Variants in SPTBN5 observed in about 807,000 individuals in gnomAD.
SPTBN5 encodes spectrin beta, non-erythrocytic 5, also known as spectrin beta chain, non-erythrocytic 5.
SPTBN5 carries 513 observed loss-of-function variants against 477.6 expected under a neutral mutation model. That is an observed-to-expected ratio of 1.07 (90% confidence interval 1.00 to 1.16). The LOEUF (loss-of-function observed/expected upper bound fraction) is 1.16, where lower values mean the gene tolerates loss of function less well. SPTBN5 is among the 50% of genes most tolerant of loss of function. The pLI is 0.00. For synonymous variants in SPTBN5, 2,169 were observed against 2,011.7 expected (o/e 1.08, Z -2.09); for missense variants, 5,062 against 4,731.8 (o/e 1.07, Z -2.05).
intron 37 of SPTBN5, 39 bp from the exon 38 acceptor site, chr15:41,866,268 G>C: frequency 6.3e-7 from 1 of 1,576,860 alleles, no homozygotes; most frequent in South Asian, 1.2e-5. Flanking sequence ...CTTGCCTGCT[G>C]CACTTCCTCC....
chr15:41,881,969 C>G lies in SPTBN5; in HGVS notation c.2424G>C (p.Gly808=). The change falls in exon 12 of 68, where the codon GGG becomes GGC. Residue 808 remains glycine, a synonymous_variant. Coordinates refer to ENST00000320955, the MANE Select transcript of SPTBN5 (RefSeq NM_016642.4). ...AAELRRLEEQ[G]RAASARASLF... is the part of the protein sequence containing the mutation. The stretch of plus-strand genomic sequence containing the variant: ...ACGACGCCCGGGCCGAGGCCGCCCG[C>G]CCCTGCTCCTCCAGCCGCCGCAGCT... 6.5e-7 allele frequency: 1 copy of G among 1,540,506 alleles called. No homozygotes were observed. Among genetic ancestry groups the G allele is most frequent in the African/African-American group, 1.4e-5 (1 of 71,252 alleles).
rs1595466640 is a variant in SPTBN5, at chr15:41,865,797, G to A, written c.6918+11C>T. 1.3e-6 allele frequency: 2 copies of A among 1,553,124 alleles called. No homozygotes were observed. Among genetic ancestry groups the A allele is most frequent in the East Asian group, 2.4e-5 (1 of 41,212 alleles). Reference sequence around the variant, plus strand: ...TGCATGGCCAACCTCTACCCAGCAAGGCCCTCTTACCCCGGCCGAGTTTCC... The same window carrying A: ...TGCATGGCCAACCTCTACCCAGCAAAGCCCTCTTACCCCGGCCGAGTTTCC... On this transcript the variant is annotated intron_variant, in intron 39 of 67. Transcript: ENST00000320955.
rs1485808942 is a variant in SPTBN5 at position 41,866,013 on chromosome 15, A to G, written c.6822+25T>C. 6 of 1,548,920 alleles carry G rather than the reference A, an allele frequency of 3.9e-6. No homozygotes were observed. The Admixed American group carries it at 1.2e-4, about 31-fold the overall frequency. On this transcript the variant is annotated intron_variant, in intron 38 of 67. Transcript: ENST00000320955. ...GGGAGGGCTCCTCCCCCCATCTCTC[A>G]GCCCCCACCCAGCTGGGGCTACACC...
In SPTBN5 at chr15:41,877,108, C is replaced by G; in HGVS notation, c.3711+8G>C. Reference sequence around the variant, plus strand: ...GTGACAGCCTAGCTCCACATTCCTGCTCCATACCCCAAGGTTGTCCAGGTG... The same window carrying G: ...GTGACAGCCTAGCTCCACATTCCTGGTCCATACCCCAAGGTTGTCCAGGTG... On this transcript the variant is annotated splice_region_variant and intron_variant, in intron 18 of 67. Coordinates refer to ENST00000320955, the MANE Select transcript of SPTBN5 (RefSeq NM_016642.4). 1 of 1,613,692 alleles carries G rather than the reference C, an allele frequency of 6.2e-7. No homozygotes were observed. Among genetic ancestry groups the G allele is most frequent in the Non-Finnish European group, 8.5e-7 (1 of 1,179,782 alleles).
intron 3 of SPTBN5, among the ~76,000 whole-genome samples, chr15:41,892,055 T>C (rs2140973358): frequency 6.6e-6 from 1 of 152,312 alleles, no homozygotes; most frequent in Middle Eastern, 3.4e-3. Context: ...CGTTCTGCTC[T>C]TGCACCTGCT....
At position 41,857,167 on chromosome 15, in the gene SPTBN5, G is replaced by C. The variant is rs968529012; in HGVS notation, c.8621+71C>G. On this transcript the variant is annotated intron_variant, in intron 51 of 67. Coordinates refer to ENST00000320955, the MANE Select transcript of SPTBN5 (RefSeq NM_016642.4). Reference sequence around the variant, plus strand: ...AAGGGGAGAAAGTGAGAAGACATCAGTTAAGAGGGCAGGGGTGGGGGTCCC... The same window carrying C: ...AAGGGGAGAAAGTGAGAAGACATCACTTAAGAGGGCAGGGGTGGGGGTCCC... The C allele has an allele frequency of 1.4e-5, 21 of 1,526,574 alleles. No individual in the cohort carries two copies. In the African/African-American group the frequency reaches 2.6e-4, roughly 19 times the overall value. 94.6% of individuals were successfully genotyped at this position (1,526,574 alleles called of 1,614,324 possible). A position where few individuals can be genotyped will look rare whatever the true frequency, so the allele number is the denominator to read the frequency against.
Position 41,876,139 on chromosome 15 carries a change from C to T in SPTBN5, c.4097G>A (p.Arg1366His), listed in dbSNP as rs747726960. The T allele has an allele frequency of 4.4e-6, 7 of 1,602,878 alleles. No homozygotes were observed. Among genetic ancestry groups the T allele is most frequent in the East Asian group, 2.2e-5 (1 of 44,834 alleles). The change falls in exon 21 of 68, where the codon CGC becomes CAC. Residue 1366 changes from arginine to histidine, a missense_variant. Physicochemically the swap from Arg to His is conservative, Grantham distance 29. Coordinates refer to ENST00000320955, the MANE Select transcript of SPTBN5 (RefSeq NM_016642.4). ...CTGCTGCAGGGCCTCCACGTGTCTG[C>T]GGGTGGCGAGTAGCTCGCTCTCAGC... ...EAAESELLAT[R>H]RHVEALQQVG...
intron 63 of SPTBN5, 46 bp downstream of exon 63, chr15:41,851,733 G>A: frequency 6.8e-7 from 1 of 1,464,272 alleles, no homozygotes; most frequent in East Asian, 2.3e-5. Flanking sequence ...CTCAAGTGCT[G>A]CTGCAAGTGG....
intron 54 of SPTBN5, 44 bp downstream of exon 54, chr15:41,855,505 G>A: frequency 6.2e-7 from 1 of 1,600,268 alleles, no homozygotes; most frequent in Non-Finnish European, 8.5e-7. Flanking sequence ...TCTCTGTAGG[G>A]GGCTTCTCTC....
Position 41,887,295 on chromosome 15 carries a change from G to C in SPTBN5, c.806C>G (p.Ser269Cys), listed in dbSNP as rs148765238. ...DVAAAQPDER[S>C]IMTYVSLYYH... Reference sequence around the variant, plus strand: ...GTAGAGGGAGACGTAGGTCATGATAGAGCGCTCATCTGGCTGTGCGGCTGC... The same window carrying C: ...GTAGAGGGAGACGTAGGTCATGATACAGCGCTCATCTGGCTGTGCGGCTGC... The change falls in exon 6 of 68, where the codon TCT becomes TGT. Residue 269 changes from serine to cysteine, a missense_variant. Transcript: ENST00000320955. 2 of 1,551,322 alleles carry C rather than the reference G, an allele frequency of 1.3e-6. No homozygotes were observed. Among genetic ancestry groups the C allele is most frequent in the East Asian group, 4.9e-5 (2 of 40,922 alleles).
rs1411669863 is a variant in SPTBN5 at position 41,851,387 on chromosome 15, G to C, written c.10657-18C>G. The C allele has an allele frequency of 6.5e-7, 1 of 1,546,534 alleles. No individual in the cohort carries two copies. Among genetic ancestry groups the C allele is most frequent in the East Asian group, 2.4e-5 (1 of 40,894 alleles). On this transcript the variant is annotated intron_variant, in intron 63 of 67. Coordinates refer to ENST00000320955, the MANE Select transcript of SPTBN5 (RefSeq NM_016642.4). Reference sequence around the variant, plus strand: ...GAGCTAGGCTGTGGAGAGGAGGCGGGAAGGTCGCATGAGCCACACGCAGGA... The same window carrying C: ...GAGCTAGGCTGTGGAGAGGAGGCGGCAAGGTCGCATGAGCCACACGCAGGA...
rs200919786 is a variant in SPTBN5, at chr15:41,862,179, C to T, written c.7499G>A (p.Arg2500His). ...RAQMDTSPAP[R>H]SPVEARRMLE... ...CATACGCCGGGCTTCCACAGGGCTGCGAGGAGCGGGGCTCGTGTCCATCTG... is the reference window on the plus strand; with the variant it reads ...CATACGCCGGGCTTCCACAGGGCTGTGAGGAGCGGGGCTCGTGTCCATCTG... Residue 2500 changes from arginine (R) to histidine (H), a missense_variant, in exon 44 of 68, where the codon CGC becomes CAC. Transcript: ENST00000320955. 18 of 1,607,136 alleles carry T rather than the reference C, an allele frequency of 1.1e-5. No individual in the cohort carries two copies. Among genetic ancestry groups the T allele is most frequent in the South Asian group, 4.4e-5 (4 of 90,394 alleles).
In SPTBN5 at chr15:41,887,281, C is replaced by T. The variant is rs55830029; in HGVS notation, c.820G>A (p.Val274Ile). ...QPDERSIMTY[V>I]SLYYHYCSRL... ...GAGCAGTAGTGGTAGTAGAGGGAGA[C>T]GTAGGTCATGATAGAGCGCTCATCT... Residue 274 changes from valine (V) to isoleucine (I), a missense_variant, in exon 6 of 68, where the codon GTC (valine) becomes ATC (isoleucine). Val to Ile is a conservative substitution (Grantham distance 29, BLOSUM62 3). Transcript: ENST00000320955. 3,987 of 1,551,324 alleles carry T rather than the reference C, an allele frequency of 2.6e-3. 6 individuals are homozygous for T. The highest frequency in any genetic ancestry group is 2.9e-3 in the Non-Finnish European group (3,327 of 1,147,000).
At position 41,851,335 on chromosome 15, in the gene SPTBN5, T is replaced by G. The variant is rs1197665; in HGVS notation, c.10691A>C (p.Asn3564Thr). ...SSSSWDSCRGNLQGSSLSLFL... is the reference protein window; with the variant it reads ...SSSSWDSCRGTLQGSSLSLFL... The stretch of plus-strand genomic sequence containing the variant: ...CAGGCTCAGAGAGCTGCCCTGCAAG[T>G]TCCCGCGGCAGCTGTCCCAGGAGCT... Residue 3564 changes from asparagine to threonine, a missense_variant, in exon 64 of 68, where the codon AAC (asparagine) becomes ACC (threonine). Physicochemically the swap from Asn to Thr is moderately conservative, Grantham distance 65 (BLOSUM62 0). Coordinates refer to ENST00000320955, the MANE Select transcript of SPTBN5 (RefSeq NM_016642.4). 1,369,398 of 1,550,786 alleles carry G rather than the reference T, an allele frequency of 0.88. 610,980 individuals are homozygous for G. The highest frequency in any genetic ancestry group is 0.91 in the Non-Finnish European group (1,039,766 of 1,146,922).
Position 41,857,375 on chromosome 15 carries a change from T to G in SPTBN5, c.8484A>C (p.Thr2828=), listed in dbSNP as rs1483217196. The G allele has an allele frequency of 3.8e-6, 6 of 1,579,512 alleles. No homozygotes were observed. Among genetic ancestry groups the G allele is most frequent in the East Asian group, 2.3e-5 (1 of 43,034 alleles). Residue 2828 remains threonine, a synonymous_variant, in exon 51 of 68, where the codon ACA becomes ACC. Transcript: ENST00000320955. Reference sequence around the variant, plus strand: ...CCACTGCTGCCTCCAGCTCCCTCTGTGTGCCCAGGAGCTCGCCCACCCCAG... The same window carrying G: ...CCACTGCTGCCTCCAGCTCCCTCTGGGTGCCCAGGAGCTCGCCCACCCCAG... ...ALPGVGELLG[T]QRELEAAVDK...
At chr15:41,858,568 C>T in intron 49 of SPTBN5, 34 bp downstream of exon 49, 1 of 1,598,164 alleles carries the variant, frequency 6.3e-7, no homozygotes, top group Non-Finnish European at 8.5e-7. Context: ...GCCTGGAGAG[C>T]TGTCCCACCA....
At chr15:41,880,669 C>G (rs984310383) in intron 13 of SPTBN5, among the ~76,000 whole-genome samples, 1 of 152,204 alleles carries the variant, frequency 6.6e-6, no homozygotes, top group Admixed American at 6.5e-5. Flanking sequence ...CTGGCCATGG[C>G]CTCCCCAGCG....
chr15:41,850,950 C>CAG lies in SPTBN5; in HGVS notation c.10836-13_10836-12dup, dbSNP rs1555459758. 8.1e-6 allele frequency: 13 copies of CAG among 1,597,694 alleles called. No homozygotes were observed. Among genetic ancestry groups the CAG allele is most frequent in the Non-Finnish European group, 1.1e-5 (13 of 1,172,838 alleles). On this transcript the variant is annotated splice_polypyrimidine_tract_variant and intron_variant, in intron 65 of 67. Coordinates refer to ENST00000320955, the MANE Select transcript of SPTBN5 (RefSeq NM_016642.4). ...GCCCCACTGGTCAGCCTGGCACCCA[C>CAG]AGTCACAGGTCAAACTCCACTGTCC...
Position 41,851,383 on chromosome 15 carries a change from G to A in SPTBN5, c.10657-14C>T, listed in dbSNP as rs1437414837. On this transcript the variant is annotated splice_polypyrimidine_tract_variant and intron_variant, in intron 63 of 67. Coordinates refer to ENST00000320955, the MANE Select transcript of SPTBN5 (RefSeq NM_016642.4). ...GCTCGAGCTAGGCTGTGGAGAGGAGGCGGGAAGGTCGCATGAGCCACACGC... is the reference window on the plus strand; with the variant it reads ...GCTCGAGCTAGGCTGTGGAGAGGAGACGGGAAGGTCGCATGAGCCACACGC... The A allele has an allele frequency of 6.5e-7, 1 of 1,548,886 alleles. No individual in the cohort carries two copies. The highest frequency in any genetic ancestry group is 2.4e-5 in the East Asian group (1 of 40,898).
Sources: gnomAD v4.1 joint callset for allele counts (sites outside exome capture counted in the v4.1 genomes callset) on GRCh38, gnomAD v4.1.1 for gene constraint, MANE v1.5 for transcripts, NCBI Gene and HGNC (gene_info 2026-07-23, HGNC 2026-07-21) for gene names.